SEC31A: variants seen among roughly 807,000 people sequenced by gnomAD.
The protein encoded by SEC31A is SEC31 homolog A, COPII component, also known as protein transport protein Sec31A.
In SEC31A, 70 loss-of-function variants were observed where a neutral mutation model predicts 151.0. The ratio of observed to expected loss-of-function variants is 0.46; its 90% CI spans 0.38 to 0.57. The LOEUF is 0.57. SEC31A is among the 20% of genes least tolerant of loss of function. SEC31A has a pLI of 0.00. For synonymous variants in SEC31A, 475 were observed against 505.9 expected (o/e 0.94, Z 0.82); for missense variants, 1,330 against 1,471.2 (o/e 0.90, Z 1.57).
chr4:82,892,418 T>C (rs771294801), upstream of SEC31A, among the ~76,000 whole-genome samples: 29 of 152,278 alleles, frequency 1.9e-4, no homozygotes, highest in Non-Finnish European at 4.0e-4. Context: ...AGGCTTGTAT[T>C]ACAGCTTCAT....
At chr4:82,847,628 G>GTCT (rs751844913) in intron 20 of SEC31A, among the ~76,000 whole-genome samples, 2 of 152,144 alleles carry the variant, frequency 1.3e-5, no homozygotes, top group African/African-American at 2.4e-5. Context: ...CAAGCTCTGT[G>GTCT]TCTTCAGTTC....
chr4:82,876,773 C>A (rs1253595064), intron 4 of SEC31A, among the ~76,000 whole-genome samples: 1 of 152,208 alleles, frequency 6.6e-6, no homozygotes, highest in Non-Finnish European at 1.5e-5. Flanking sequence ...TACTGACCTT[C>A]ATCCACTACT....
intron 22 of SEC31A, among the ~76,000 whole-genome samples, chr4:82,838,712 T>G (rs1728009639): frequency 6.6e-6 from 1 of 152,258 alleles, no homozygotes; most frequent in African/African-American, 2.4e-5. Context: ...TCACTAGAAA[T>G]GTATGGTCTT....
chr4:82,870,471 C>A (rs758311371), intron 7 of SEC31A, 47 bp from the exon 8 acceptor site: 5 of 1,423,796 alleles, frequency 3.5e-6, no homozygotes, highest in Non-Finnish European at 4.9e-6. Context: ...CTTGAGAAAA[C>A]CAAATCTCAA....
intron 8 of SEC31A, among the ~76,000 whole-genome samples, chr4:82,867,682 A>T (rs1735705297): frequency 6.6e-6 from 1 of 151,992 alleles, no homozygotes; most frequent in African/African-American, 2.4e-5. Flanking sequence ...CCCAGGCTGG[A>T]GTGCAATGGC....
At chr4:82,836,555 T>C (rs1024304840) in intron 22 of SEC31A, among the ~76,000 whole-genome samples, 2 of 152,116 alleles carry the variant, frequency 1.3e-5, no homozygotes, top group Admixed American at 1.3e-4. Flanking sequence ...AAAATTCTGA[T>C]ACATGCTACA....
rs1722745757 is a variant in SEC31A at position 82,818,783 on chromosome 4, T to TA, written c.*290dup. On this transcript the variant is annotated 3_prime_UTR_variant, in exon 27 of 27. Transcript: ENST00000395310. ...TTTTCTAAAAAGTATATTGAGGTTT[T>TA]AAAAAACACATTTATCAGAATACTT... 1 of 236,434 alleles carries TA rather than the reference T, an allele frequency of 4.2e-6. No individual in the cohort carries two copies. The highest frequency in any genetic ancestry group is 8.0e-6 in the Non-Finnish European group (1 of 124,406). The allele number at this position is 236,434 out of a possible 1,614,324, so 14.6% of individuals were successfully genotyped here. A position where few individuals can be genotyped will look rare whatever the true frequency, so the allele number is the denominator to read the frequency against.
intron 1 of SEC31A, among the ~76,000 whole-genome samples, chr4:82,885,779 T>C (rs1740563794): frequency 6.6e-6 from 1 of 152,228 alleles, no homozygotes; most frequent in Non-Finnish European, 1.5e-5. Flanking sequence ...AACATTTACA[T>C]TTTATTCTTT....
chr4:82,894,843 A>G (rs1719997010), upstream of SEC31A: 1 of 152,258 alleles, frequency 6.6e-6, no homozygotes, highest in South Asian at 2.1e-4. Context: ...GCTTCAAACT[A>G]GATCCTGTTC....
At chr4:82,828,062 G>A (rs985206043) in intron 23 of SEC31A, among the ~76,000 whole-genome samples, 3 of 152,076 alleles carry the variant, frequency 2.0e-5, no homozygotes, top group Admixed American at 1.3e-4. Flanking sequence ...TTACAGGCGC[G>A]TGCCACCACG....
intron 26 of SEC31A, 89 bp from the exon 27 acceptor site, chr4:82,819,342 G>A (rs1321085295): frequency 1.0e-6 from 1 of 987,164 alleles, no homozygotes; most frequent in Non-Finnish European, 1.4e-6. Flanking sequence ...AGATATTTAA[G>A]TGGAATTTGA....
chr4:82,899,915 C>T (rs1720240171), intron 2 of SEC31A: 1 of 152,444 alleles, frequency 6.6e-6, no homozygotes. Flanking sequence ...CTTCTCTAAG[C>T]AAATTGAAAT....
intron 6 of SEC31A, 22 bp downstream of exon 6, chr4:82,874,589 C>T: frequency 6.3e-7 from 1 of 1,580,318 alleles, no homozygotes; most frequent in Non-Finnish European, 8.6e-7. Context: ...ACATGTTCAT[C>T]ACAAGTCAAT....
At chr4:82,824,823 C>G in intron 24 of SEC31A, 149 bp from the exon 25 acceptor site, 1 of 881,862 alleles carries the variant, frequency 1.1e-6, no homozygotes, top group Non-Finnish European at 1.6e-6. Context: ...AAATCACTTA[C>G]GATAAGTAAA....
At chr4:82,883,107 G>A (rs1056001814) in intron 1 of SEC31A, among the ~76,000 whole-genome samples, 2 of 152,084 alleles carry the variant, frequency 1.3e-5, no homozygotes, top group South Asian at 2.1e-4. Context: ...GCAACAGAGC[G>A]AGACTCGGTC....
At chr4:82,890,951 G>A in intron 1 of SEC31A, 137 bp downstream of exon 1, 1 of 1,444,660 alleles carries the variant, frequency 6.9e-7, no homozygotes, top group Non-Finnish European at 9.1e-7. Flanking sequence ...AAGACTAGGG[G>A]CGCGCCGTCA....
intron 18 of SEC31A, 121 bp from the exon 19 acceptor site, chr4:82,851,725 C>A: frequency 2.5e-6 from 2 of 799,190 alleles, no homozygotes; most frequent in Non-Finnish European, 3.9e-6. Context: ...CTGTTATCAT[C>A]CCTCCTAGAA....
At chr4:82,827,701 A>G in intron 23 of SEC31A, 69 bp from the exon 24 acceptor site, 2 of 1,524,090 alleles carry the variant, frequency 1.3e-6, no homozygotes, top group Non-Finnish European at 1.8e-6. Flanking sequence ...TCTTCAGCTT[A>G]AAATAAGGGA....
intron 17 of SEC31A, among the ~76,000 whole-genome samples, 159 bp downstream of exon 17, chr4:82,854,744 C>T (rs1204176324): frequency 6.6e-6 from 1 of 150,606 alleles, no homozygotes; most frequent in South Asian, 2.1e-4. Context: ...GGTATGAAGA[C>T]GTATTTAATA....
Sources: gnomAD v4.1 joint callset for allele counts (sites outside exome capture counted in the v4.1 genomes callset) on GRCh38, gnomAD v4.1.1 for gene constraint, MANE v1.5 for transcripts, NCBI Gene and HGNC (gene_info 2026-07-23, HGNC 2026-07-21) for gene names.